Variants in MLXIP observed in about 807,000 individuals in gnomAD.
The protein encoded by MLXIP is MLX interacting protein, also known as MLX-interacting protein.
A neutral mutation model predicts 87.2 loss-of-function variants in MLXIP; 30 were observed. The ratio of observed to expected loss-of-function variants is 0.34; its 90% confidence interval spans 0.26 to 0.47. MLXIP has a LOEUF of 0.47. Ranked by LOEUF, MLXIP falls within the 20% of genes least tolerant of loss-of-function variation. MLXIP has a pLI of 1.00. For synonymous variants in MLXIP, 530 were observed against 514.0 expected (o/e 1.03, Z -0.42); for missense variants, 1,002 against 1,240.1 (o/e 0.81, Z 2.88).
Position 122,135,829 on chromosome 12 carries a change from C to T in MLXIP, c.2032+163C>T. 1 of 854,264 alleles carries T rather than the reference C, an allele frequency of 1.2e-6. No homozygotes were observed. The highest frequency in any genetic ancestry group is 1.7e-6 in the Non-Finnish European group (1 of 591,582). The allele number at this position is 854,264 out of a possible 1,614,324, so 52.9% of individuals were successfully genotyped here. A position where few individuals can be genotyped will look rare whatever the true frequency, so the allele number is the denominator to read the frequency against. On this transcript the variant is annotated intron_variant, in intron 11 of 16. Coordinates refer to ENST00000319080, the MANE Select transcript of MLXIP (RefSeq NM_014938.6). This position sits in a 1 kb window ranked among gnomAD's most constrained non-coding sequence, Gnocchi z 5.3. Reference sequence around the variant, plus strand: ...TGATAACACAGTCTGGGAACACGCTCTGTGGGTGGCAGGATGAAATGTGGT... The same window carrying T: ...TGATAACACAGTCTGGGAACACGCTTTGTGGGTGGCAGGATGAAATGTGGT...
At chr12:122,131,354 A>G (rs1044822059) in intron 7 of MLXIP, among the ~76,000 whole-genome samples, 1 of 152,098 alleles carries the variant, frequency 6.6e-6, no homozygotes, top group Non-Finnish European at 1.5e-5. Context: ...CTACAGAAAA[A>G]AAGGTGTCTC....
Position 122,137,260 on chromosome 12 carries a change from T to TC in MLXIP, c.2033-209_2033-208insC. 1 of 486,078 alleles carries TC rather than the reference T, an allele frequency of 2.1e-6. No homozygotes were observed. The highest frequency in any genetic ancestry group is 3.5e-6 in the Non-Finnish European group (1 of 282,626). The allele number at this position is 486,078 out of a possible 1,614,324, so 30.1% of individuals were successfully genotyped here. On this transcript the variant is annotated intron_variant, in intron 11 of 16. Transcript: ENST00000319080. This position sits in a 1 kb window ranked among gnomAD's most constrained non-coding sequence, Gnocchi z 4.1. ...GTTGCTCCATCGTGTTCTGTGTGGA[T>TC]TAAGGGTGTTTTTGTTGTTGTTATT...
In MLXIP at chr12:122,142,246, C is replaced by G. The variant is rs1244585892; in HGVS notation, c.*434C>G. 2.9e-6 allele frequency: 2 copies of G among 698,604 alleles called. No individual in the cohort carries two copies. The highest frequency in any genetic ancestry group is 3.5e-5 in the African/African-American group (2 of 57,220). The allele number at this position is 698,604 out of a possible 1,614,324, so 43.3% of individuals were successfully genotyped here. Reference sequence around the variant, plus strand: ...GTCCTGTCCACATGCATGCCTCTGCCTGATGCCCTGCTCCACTCTCTGGTC... The same window carrying G: ...GTCCTGTCCACATGCATGCCTCTGCGTGATGCCCTGCTCCACTCTCTGGTC... On this transcript the variant is annotated 3_prime_UTR_variant, in exon 17 of 17. Transcript: ENST00000319080.
intron 1 of MLXIP, among the ~76,000 whole-genome samples, chr12:122,112,217 G>T (rs1340958349): frequency 6.6e-6 from 1 of 152,184 alleles, no homozygotes; most frequent in East Asian, 1.9e-4. Flanking sequence ...GAGAAGTGTC[G>T]TAAGTCATTG....
In MLXIP at chr12:122,142,142, C is replaced by T. The variant is rs1377332547; in HGVS notation, c.*330C>T. On this transcript the variant is annotated 3_prime_UTR_variant, in exon 17 of 17. Transcript: ENST00000319080. The stretch of plus-strand genomic sequence containing the variant: ...CCTGCTGGTGGCCTGCCGGGCCTGG[C>T]GCCGGTGAGCGGAATCGATGGGATG... 12 of 701,052 alleles carry T rather than the reference C, an allele frequency of 1.7e-5. No homozygotes were observed. The highest frequency in any genetic ancestry group is 2.4e-4 in the Middle Eastern group (1 of 4,232). The allele number at this position is 701,052 out of a possible 1,614,324, so 43.4% of individuals were successfully genotyped here.
chr12:122,139,083 G>A lies in MLXIP; in HGVS notation c.2508+145G>A, dbSNP rs890936174. The A allele has an allele frequency of 1.5e-5, 20 of 1,305,756 alleles. No individual in the cohort carries two copies. In the South Asian group the frequency reaches 1.8e-4, roughly 12 times the overall value. The allele number at this position is 1,305,756 out of a possible 1,614,324, so 80.9% of individuals were successfully genotyped here. A position where few individuals can be genotyped will look rare whatever the true frequency, so the allele number is the denominator to read the frequency against. ...GACAGGCAGTGCTAGTGTCTATCTC[G>A]GGAGAGAGTGGTCCGGCCTGGCCTG... On this transcript the variant is annotated intron_variant, in intron 15 of 16. Transcript: ENST00000319080.
intron 15 of MLXIP, 38 bp from the exon 16 acceptor site, chr12:122,140,916 C>T (rs1177137612): frequency 1.2e-6 from 2 of 1,613,858 alleles, no homozygotes; most frequent in Non-Finnish European, 1.7e-6. Context: ...TCCCCAGCCC[C>T]TCTCCGTGCT....
At chr12:122,129,050 T>G in intron 3 of MLXIP, 87 bp from the exon 4 acceptor site, 1 of 1,109,028 alleles carries the variant, frequency 9.0e-7, no homozygotes, top group Non-Finnish European at 1.3e-6. Context: ...TAAGGCCTGA[T>G]TATAGTGCCG....
intron 1 of MLXIP, among the ~76,000 whole-genome samples, chr12:122,097,067 G>A (rs889937523): frequency 3.3e-5 from 5 of 152,210 alleles, no homozygotes; most frequent in Non-Finnish European, 5.9e-5. Context: ...TCAGCTGCTC[G>A]CTTGTGGTGC....
At chr12:122,124,943 G>A (rs1952856693) in intron 1 of MLXIP, among the ~76,000 whole-genome samples, 1 of 152,164 alleles carries the variant, frequency 6.6e-6, no homozygotes, top group African/African-American at 2.4e-5. Flanking sequence ...GAGGCAGGCA[G>A]ATCAGCTGAG....
chr12:122,127,790 G>A (rs1952904153), intron 2 of MLXIP, 93 bp from the exon 3 acceptor site: 2 of 919,936 alleles, frequency 2.2e-6, no homozygotes, highest in Non-Finnish European at 3.5e-6. Context: ...ACCTGGGAAT[G>A]TGGTCTGCCC....
intron 6 of MLXIP, among the ~76,000 whole-genome samples, chr12:122,130,496 G>A (rs573623400): frequency 1.6e-3 from 237 of 151,444 alleles, no homozygotes; most frequent in African/African-American, 5.2e-3. Flanking sequence ...GGGTGTGACC[G>A]CTCACCTTGG....
intron 6 of MLXIP, 60 bp downstream of exon 6, chr12:122,130,172 C>T: frequency 1.3e-6 from 2 of 1,528,234 alleles, no homozygotes; most frequent in Non-Finnish European, 1.8e-6. Context: ...CTGCCAGGCC[C>T]CCTCTGGGCC....
chr12:122,129,365 G>A (rs908818095), intron 4 of MLXIP, 139 bp downstream of exon 4: 15 of 941,282 alleles, frequency 1.6e-5, no homozygotes, highest in Non-Finnish European at 1.8e-5. Flanking sequence ...CTGGGGCCCA[G>A]CGTGCCAGAC....
Position 122,133,990 on chromosome 12 carries a change from G to A in MLXIP, c.1732+3G>A, listed in dbSNP as rs369213852. 20 of 1,593,018 alleles carry A rather than the reference G, an allele frequency of 1.3e-5. No homozygotes were observed. Among genetic ancestry groups the A allele is most frequent in the Admixed American group, 1.7e-5 (1 of 57,838 alleles). Reference sequence around the variant, plus strand: ...GAAGAATGCCCGTATCGCCCCAGGTGAGCCAGGCGGGGAGACTCAGTGCGG... The same window carrying A: ...GAAGAATGCCCGTATCGCCCCAGGTAAGCCAGGCGGGGAGACTCAGTGCGG... On this transcript the variant is annotated splice_donor_region_variant and intron_variant, in intron 9 of 16. Transcript: ENST00000319080. The surrounding 1 kb of genome is among the most constrained non-coding windows in gnomAD (Gnocchi z 4.9).
In MLXIP at chr12:122,137,246, G is replaced by A. The variant is rs998224233; in HGVS notation, c.2033-223G>A. On this transcript the variant is annotated intron_variant, in intron 11 of 16. Transcript: ENST00000319080. This position sits in a 1 kb window ranked among gnomAD's most constrained non-coding sequence, Gnocchi z 4.1. ...ACACGTCACACAGGGTTGCTCCATC[G>A]TGTTCTGTGTGGATTAAGGGTGTTT... is the stretch of plus-strand genomic sequence containing the variant. 32 of 420,744 alleles carry A rather than the reference G, an allele frequency of 7.6e-5. No homozygotes were observed. Among genetic ancestry groups the A allele is most frequent in the African/African-American group, 6.1e-4 (30 of 48,926 alleles). The allele number at this position is 420,744 out of a possible 1,614,324, so 26.1% of individuals were successfully genotyped here.
intron 14 of MLXIP, 80 bp from the exon 15 acceptor site, chr12:122,138,735 G>T: frequency 1.3e-6 from 2 of 1,556,984 alleles, no homozygotes; most frequent in Non-Finnish European, 1.7e-6. Context: ...CCGGCACTGG[G>T]CCAGCCCTGC....
At chr12:122,126,335 C>T (rs932973921) in intron 1 of MLXIP, among the ~76,000 whole-genome samples, 2 of 152,198 alleles carry the variant, frequency 1.3e-5, no homozygotes, top group Admixed American at 6.5e-5. Context: ...TGTGCAGACA[C>T]TACTACATAA....
chr12:122,088,326 C>T (rs1952198173), intron 1 of MLXIP, among the ~76,000 whole-genome samples: 1 of 152,172 alleles, frequency 6.6e-6, no homozygotes, highest in East Asian at 1.9e-4. Context: ...TTTGAATACC[C>T]TAGAGACCTC....
Sources: allele counts gnomAD v4.1 joint callset (sites outside exome capture counted in the v4.1 genomes callset), GRCh38; gene constraint gnomAD v4.1.1; non-coding constraint Gnocchi (gnomAD v3.1); transcripts MANE v1.5; gene names NCBI Gene and HGNC (gene_info 2026-07-23, HGNC 2026-07-21).